MTFR2: variants seen among roughly 807,000 people sequenced by gnomAD.
MTFR2 encodes mitochondrial fission regulator 2, also known as DUF729 domain-containing protein 1.
MTFR2 carries 44 observed loss-of-function variants against 41.2 expected under a neutral mutation model. That is an observed-to-expected ratio of 1.07 (90% CI 0.84 to 1.37). The LOEUF is 1.37. MTFR2 is among the 40% of genes most tolerant of loss of function. The pLI is 0.00. For synonymous variants in MTFR2, 141 were observed against 154.6 expected, an observed-to-expected ratio of 0.91 and a Z score of 0.65; for missense variants, 452 against 459.5, an observed-to-expected ratio of 0.98 and a Z score of 0.15.
At chr6:136,236,097 G>C (rs904101059) in intron 6 of MTFR2, among the ~76,000 whole-genome samples, 2 of 152,200 alleles carry the variant, frequency 1.3e-5, no homozygotes, top group Non-Finnish European at 2.9e-5. Context: ...AGGCAGCAGC[G>C]ATAGACAGAA....
At chr6:136,240,408 A>G (rs1780024250) in intron 5 of MTFR2, among the ~76,000 whole-genome samples, 1 of 151,602 alleles carries the variant, frequency 6.6e-6, no homozygotes, top group Admixed American at 6.6e-5. Context: ...TGTAAATGTT[A>G]TAAATATACA....
intron 6 of MTFR2, among the ~76,000 whole-genome samples, chr6:136,234,856 G>T (rs2128457048): frequency 6.6e-6 from 1 of 152,262 alleles, no homozygotes; most frequent in Middle Eastern, 3.4e-3. Flanking sequence ...GGGAACGGTG[G>T]GAGATAGAAT....
rs1471611189 is a variant in MTFR2 at position 136,231,157 on chromosome 6, CAAG to C, written c.*115_*117del. The stretch of plus-strand genomic sequence containing the variant: ...CATAGCAAGTGTAGGCAAAATGTGT[CAAG>C]AAGAGTCTTTAAATACATCTACTTT... On this transcript the variant is annotated 3_prime_UTR_variant, in exon 8 of 8. Transcript: ENST00000420702. 8 of 652,354 alleles carry C rather than the reference CAAG, an allele frequency of 1.2e-5. No homozygotes were observed. The East Asian group carries it at 2.2e-4, about 18-fold the overall frequency. The allele number at this position is 652,354 out of a possible 1,614,324, so 40.4% of individuals were successfully genotyped here.
chr6:136,242,025 A>G (rs898310216), intron 4 of MTFR2, among the ~76,000 whole-genome samples: 1 of 139,392 alleles, frequency 7.2e-6, no homozygotes, highest in Non-Finnish European at 1.5e-5. Context: ...GGTTGTGGTG[A>G]GCCAAGATCG....
intron 4 of MTFR2, among the ~76,000 whole-genome samples, chr6:136,242,105 A>C (rs1183519710): frequency 1.3e-5 from 2 of 150,634 alleles, no homozygotes; most frequent in South Asian, 4.2e-4. Flanking sequence ...AAAAAAAAAA[A>C]AAACCTACTC....
intron 2 of MTFR2, 66 bp downstream of exon 2, chr6:136,248,971 G>T: frequency 7.2e-7 from 1 of 1,394,726 alleles, no homozygotes; most frequent in Non-Finnish European, 9.9e-7. Flanking sequence ...TTACATATAA[G>T]TCATTTTCAA....
intron 7 of MTFR2, among the ~76,000 whole-genome samples, chr6:136,232,390 A>G (rs2128456520): frequency 6.6e-6 from 1 of 152,126 alleles, no homozygotes; most frequent in East Asian, 1.9e-4. Context: ...GAGTAGCTGG[A>G]ATTAATTACA....
chr6:136,248,439 T>C (rs75095238), intron 2 of MTFR2, among the ~76,000 whole-genome samples: 3,487 of 152,278 alleles, frequency 0.023, 142 homozygotes, highest in African/African-American at 0.079. Flanking sequence ...TCTCATGAGA[T>C]GTGATGGTTT....
chr6:136,239,090 T>G (rs1473956264), intron 6 of MTFR2, among the ~76,000 whole-genome samples: 2 of 152,226 alleles, frequency 1.3e-5, no homozygotes, highest in Non-Finnish European at 2.9e-5. Flanking sequence ...ACTGTTATAA[T>G]AAGGATATTA....
chr6:136,245,792 T>G (rs1201132120), intron 2 of MTFR2, among the ~76,000 whole-genome samples: 1 of 152,200 alleles, frequency 6.6e-6, no homozygotes, highest in Non-Finnish European at 1.5e-5. Context: ...CATTTCAGAT[T>G]TCAGGTTTTG....
At position 136,233,593 on chromosome 6, in the gene MTFR2, C is replaced by G. The variant is rs1045497790; in HGVS notation, c.870-94G>C. 3.1e-6 allele frequency: 3 copies of G among 959,946 alleles called. No homozygotes were observed. In the African/African-American group the frequency reaches 5.0e-5, roughly 16 times the overall value. 59.5% of individuals were successfully genotyped at this position (959,946 alleles called of 1,614,324 possible). On this transcript the variant is annotated intron_variant, in intron 6 of 7. Coordinates refer to ENST00000420702, the MANE Select transcript of MTFR2 (RefSeq NM_001099286.3). ...ATGGCAGGAATACAAGCATATCTTA[C>G]AATTTAATTAGTCTTCAAGAGATTG... is the stretch of plus-strand genomic sequence containing the variant.
chr6:136,231,471 C>T (rs1583955213), intron 7 of MTFR2, 83 bp from the exon 8 acceptor site: 2 of 792,086 alleles, frequency 2.5e-6, no homozygotes, highest in Admixed American at 2.6e-5. Context: ...CCAGATGACC[C>T]TCTGAGGTTT....
intron 4 of MTFR2, among the ~76,000 whole-genome samples, chr6:136,242,360 G>A (rs1007736279): frequency 1.3e-5 from 2 of 152,100 alleles, no homozygotes; most frequent in African/African-American, 4.8e-5. Context: ...AGTTAATAAA[G>A]AGCCTTACAT....
intron 5 of MTFR2, among the ~76,000 whole-genome samples, chr6:136,240,809 G>A (rs976261549): frequency 2.0e-5 from 3 of 152,094 alleles, no homozygotes. Flanking sequence ...AGCTTACTGA[G>A]GGCCGGGCGC....
intron 2 of MTFR2, among the ~76,000 whole-genome samples, chr6:136,246,523 T>C (rs544137978): frequency 2.6e-5 from 4 of 152,196 alleles, no homozygotes; most frequent in Non-Finnish European, 4.4e-5. Context: ...GCTCAAGTGA[T>C]ATGCCTGCCT....
chr6:136,246,048 T>C (rs1360696125), intron 2 of MTFR2, among the ~76,000 whole-genome samples: 1 of 152,174 alleles, frequency 6.6e-6, no homozygotes, highest in Non-Finnish European at 1.5e-5. Flanking sequence ...TAAAGTGTTC[T>C]ACAGACCATT....
At chr6:136,248,189 T>C (rs1179317109) in intron 2 of MTFR2, among the ~76,000 whole-genome samples, 1 of 152,254 alleles carries the variant, frequency 6.6e-6, no homozygotes, top group Non-Finnish European at 1.5e-5. Context: ...TTAAGCATTA[T>C]GAATACAACC....
At chr6:136,237,898 G>A (rs1466116179) in intron 6 of MTFR2, among the ~76,000 whole-genome samples, 1 of 152,092 alleles carries the variant, frequency 6.6e-6, no homozygotes, top group African/African-American at 2.4e-5. Flanking sequence ...GGAAGCTATA[G>A]GAAGATATGA....
Position 136,242,929 on chromosome 6 carries a change from A to G in MTFR2, c.213T>C (p.Ser71=). 1 of 1,613,234 alleles carries G rather than the reference A, an allele frequency of 6.2e-7. No homozygotes were observed. The highest frequency in any genetic ancestry group is 8.5e-7 in the Non-Finnish European group (1 of 1,179,846). The part of the protein sequence containing the change: ...LNSVDSDNCG[S]MVPSFADILY... ...AAATATCAGCAAAAGATGGAACCAT[A>G]GATCCACAATTATCAGAGTCTACAG... Residue 71 remains serine (S), a synonymous_variant, in exon 4 of 8, where the codon TCT becomes TCC. Transcript: ENST00000420702.
Sources: allele counts gnomAD v4.1 joint callset (sites outside exome capture counted in the v4.1 genomes callset), GRCh38; gene constraint gnomAD v4.1.1; transcripts MANE v1.5; gene names NCBI Gene and HGNC (gene_info 2026-07-23, HGNC 2026-07-21).